The following KIAA1328 variants were observed in gnomAD, a reference collection of about 807,000 sequenced individuals.
KIAA1328 encodes the protein KIAA1328.
KIAA1328 carries 52 observed loss-of-function variants against 68.1 expected under a neutral mutation model. The observed-to-expected ratio is 0.76, with a 90% CI of 0.61 to 0.96. The LOEUF (loss-of-function observed/expected upper bound fraction) is 0.96, where lower values mean the gene tolerates loss of function less well. Among genes scored for constraint, KIAA1328 ranks in the 40% least tolerant of loss-of-function variants. KIAA1328 has a pLI of 0.00. For missense variants in KIAA1328, 641 were observed against 677.6 expected (o/e 0.95, Z 0.60); for synonymous variants, 232 against 239.4 (o/e 0.97, Z 0.28).
intron 7 of KIAA1328, 124 bp from the exon 8 acceptor site, chr18:37,160,075 CA>C: frequency 1.5e-6 from 1 of 664,962 alleles, no homozygotes; most frequent in Non-Finnish European, 2.3e-6. Context: ...AATTATACCT[CA>C]ATAAAAGGTA....
At chr18:37,047,758 C>G (rs557017707) in intron 6 of KIAA1328, among the ~76,000 whole-genome samples, 1 of 152,116 alleles carries the variant, frequency 6.6e-6, no homozygotes, top group Non-Finnish European at 1.5e-5. Flanking sequence ...GACTTTATCA[C>G]GTAAAATGGT....
chr18:37,052,376 G>A (rs377575224), intron 6 of KIAA1328, among the ~76,000 whole-genome samples: 1 of 152,076 alleles, frequency 6.6e-6, no homozygotes, highest in South Asian at 2.1e-4. Context: ...CAAATACACC[G>A]CAAACATCTT....
At chr18:37,188,321 C>T (rs981375508) in intron 9 of KIAA1328, among the ~76,000 whole-genome samples, 3 of 152,146 alleles carry the variant, frequency 2.0e-5, no homozygotes, top group African/African-American at 7.2e-5. Flanking sequence ...TGATAATACC[C>T]CACAGCCAGC....
intron 6 of KIAA1328, among the ~76,000 whole-genome samples, chr18:37,037,855 A>T (rs1394473047): frequency 6.6e-6 from 1 of 152,176 alleles, no homozygotes; most frequent in East Asian, 1.9e-4. Flanking sequence ...TAATCCCAGC[A>T]CTTTGGGAGG....
chr18:37,159,773 T>G (rs1301402405), intron 7 of KIAA1328, among the ~76,000 whole-genome samples: 2 of 152,194 alleles, frequency 1.3e-5, no homozygotes, highest in Non-Finnish European at 2.9e-5. Flanking sequence ...TAATAACAAT[T>G]GAAAATTAGA....
Position 37,066,954 on chromosome 18 carries a change from T to C in KIAA1328, c.641T>C (p.Ile214Thr). The C allele has an allele frequency of 5.0e-6, 8 of 1,612,160 alleles. No individual in the cohort carries two copies. The highest frequency in any genetic ancestry group is 6.8e-6 in the Non-Finnish European group (8 of 1,178,966). Residue 214 changes from isoleucine to threonine, a missense_variant, in exon 7 of 10, where the codon ATA (isoleucine) becomes ACA (threonine). Coordinates refer to ENST00000280020, the MANE Select transcript of KIAA1328 (RefSeq NM_020776.3). The stretch of plus-strand genomic sequence containing the variant: ...GAACTGGATGGTTCCTACTTGAGCA[T>C]AGCCAGACCACAGACCTACTATCAA... ...SVELDGSYLS[I>T]ARPQTYYQTK...
chr18:37,208,787 C>A (rs553425297), intron 9 of KIAA1328, among the ~76,000 whole-genome samples: 1 of 152,194 alleles, frequency 6.6e-6, no homozygotes, highest in East Asian at 1.9e-4. Context: ...AAAGAGTGCA[C>A]AATATAGCAG....
intron 7 of KIAA1328, among the ~76,000 whole-genome samples, chr18:37,120,149 C>T (rs1256287015): frequency 1.3e-5 from 2 of 151,936 alleles, no homozygotes; most frequent in Non-Finnish European, 2.9e-5. Context: ...ATATAATATG[C>T]AAATGAATCA....
intron 9 of KIAA1328, among the ~76,000 whole-genome samples, chr18:37,204,729 AG>A (rs1459983377): frequency 6.7e-6 from 1 of 150,218 alleles, no homozygotes; most frequent in Non-Finnish European, 1.5e-5. Flanking sequence ...GGAAGCAGAG[AG>A]ACCAAACACA....
chr18:36,929,402 T>C (rs943750750), intron 5 of KIAA1328, among the ~76,000 whole-genome samples: 10 of 151,324 alleles, frequency 6.6e-5, no homozygotes, highest in South Asian at 4.1e-4. Flanking sequence ...TAGTCAATAG[T>C]TGAAGTGAAT....
chr18:36,950,644 G>A (rs4799896), intron 5 of KIAA1328, among the ~76,000 whole-genome samples: 136,241 of 152,066 alleles, frequency 0.9, 62,985 homozygotes, highest in East Asian at 1. Context: ...GATTAAGGGC[G>A]GGCAAAACAT....
chr18:36,982,806 T>C (rs990993865), intron 6 of KIAA1328, among the ~76,000 whole-genome samples: 3 of 151,984 alleles, frequency 2.0e-5, no homozygotes, highest in Non-Finnish European at 4.4e-5. Context: ...CTTTAGGGGT[T>C]TTAACAAATA....
At chr18:37,205,829 C>T (rs1231982371) in intron 9 of KIAA1328, among the ~76,000 whole-genome samples, 1 of 152,110 alleles carries the variant, frequency 6.6e-6, no homozygotes, top group African/African-American at 2.4e-5. Context: ...ACCATGAGGT[C>T]CAGCAGGGCA....
intron 5 of KIAA1328, among the ~76,000 whole-genome samples, chr18:36,907,103 A>G (rs1338872450): frequency 6.6e-6 from 1 of 152,054 alleles, no homozygotes; most frequent in African/African-American, 2.4e-5. Flanking sequence ...CATTCCTGGT[A>G]TAAAGGAATA....
Position 37,205,649 on chromosome 18 carries a change from C to A in KIAA1328, c.1524-16368C>A, listed in dbSNP as rs140578754. 5.3e-5 allele frequency among the ~76,000 whole-genome samples: 8 copies of A among 152,288 alleles called. No individual in the cohort carries two copies. The East Asian group carries it at 1.3e-3, about 26-fold the overall frequency. On this transcript the variant is annotated intron_variant, in intron 9 of 9. Coordinates refer to ENST00000280020, the MANE Select transcript of KIAA1328 (RefSeq NM_020776.3). ...TTAAAACAAATAATGCAAGTTAATT[C>A]TTATAAATGTTTCCCTCTTGAACTA...
At chr18:37,047,759 G>A (rs574046176) in intron 6 of KIAA1328, among the ~76,000 whole-genome samples, 57 of 152,136 alleles carry the variant, frequency 3.7e-4, no homozygotes, top group African/African-American at 1.3e-3. Context: ...ACTTTATCAC[G>A]TAAAATGGTT....
At chr18:37,001,801 A>G (rs542807211) in intron 6 of KIAA1328, among the ~76,000 whole-genome samples, 2 of 152,322 alleles carry the variant, frequency 1.3e-5, no homozygotes, top group African/African-American at 4.8e-5. Flanking sequence ...GTAAAATTCA[A>G]CATCCCTTCA....
At chr18:37,153,017 G>C (rs2059071210) in intron 7 of KIAA1328, among the ~76,000 whole-genome samples, 2 of 152,098 alleles carry the variant, frequency 1.3e-5, no homozygotes, top group Admixed American at 6.5e-5. Flanking sequence ...TACAGTAAAG[G>C]AACAGGCAAC....
Position 37,223,652 on chromosome 18 carries a change from C to T in KIAA1328, c.*1425C>T. The T allele has an allele frequency of 2.0e-6, 2 of 985,382 alleles. No individual in the cohort carries two copies. Among genetic ancestry groups the T allele is most frequent in the Non-Finnish European group, 2.4e-6 (2 of 829,932 alleles). The allele number at this position is 985,382 out of a possible 1,614,324, so 61.0% of individuals were successfully genotyped here. A position where few individuals can be genotyped will look rare whatever the true frequency, so the allele number is the denominator to read the frequency against. On this transcript the variant is annotated 3_prime_UTR_variant, in exon 10 of 10. Coordinates refer to ENST00000280020, the MANE Select transcript of KIAA1328 (RefSeq NM_020776.3). Reference sequence around the variant, plus strand: ...GACAAAGTCATACCACCCAGGGCAGCCTGCATGCAGCGAGTCTGCGTGGCT... The same window carrying T: ...GACAAAGTCATACCACCCAGGGCAGTCTGCATGCAGCGAGTCTGCGTGGCT...
Sources: allele counts gnomAD v4.1 joint callset (sites outside exome capture counted in the v4.1 genomes callset), GRCh38; gene constraint gnomAD v4.1.1; transcripts MANE v1.5; gene names NCBI Gene and HGNC (gene_info 2026-07-23, HGNC 2026-07-21).